The following VASN variants were observed in gnomAD, a reference collection of about 807,000 sequenced individuals.
VASN encodes protein slit-like 2.
In VASN, 5 loss-of-function variants were observed where a neutral mutation model predicts 4.8. That is an observed-to-expected ratio of 1.03 (90% CI 0.54 to 2.17). The LOEUF is 2.17. Among genes scored for constraint, VASN ranks in the 30% most tolerant of loss-of-function variants. The probability of loss-of-function intolerance (pLI) is 0.01; values close to 1 mark genes in which losing one functional copy is unlikely to be tolerated. For missense variants in VASN, 927 were observed against 948.8 expected (o/e 0.98, Z 0.30); for synonymous variants, 499 against 460.8 (o/e 1.08, Z -1.06).
In VASN at chr16:4,371,879, C is replaced by A. The variant is rs543705355; in HGVS notation, c.-124C>A. On this transcript the variant is annotated 5_prime_UTR_variant, in exon 1 of 2. Coordinates refer to ENST00000304735, the MANE Select transcript of VASN (RefSeq NM_138440.3). Reference sequence around the variant, plus strand: ...GGAGCCCGAGCCCGGGGCGGGTGGACGCGGACTCGAACGCAGTTGCTTCGG... The same window carrying A: ...GGAGCCCGAGCCCGGGGCGGGTGGAAGCGGACTCGAACGCAGTTGCTTCGG... 1 of 152,112 alleles carries A rather than the reference C, an allele frequency of 6.6e-6. No individual in the cohort carries two copies. The highest frequency in any genetic ancestry group is 1.5e-5 in the Non-Finnish European group (1 of 67,988). The allele number at this position is 152,112 out of a possible 1,614,324, so 9.4% of individuals were successfully genotyped here.
At chr16:4,372,894 A>C (rs190541008) in intron 1 of VASN, among the ~76,000 whole-genome samples, 235 of 152,298 alleles carry the variant, frequency 1.5e-3, no homozygotes, top group African/African-American at 5.5e-3. Context: ...CACCAAGGAC[A>C]GGTGAGGCTC....
At position 4,381,495 on chromosome 16, in the gene VASN, G is replaced by A. The variant is rs777494460; in HGVS notation, c.618G>A (p.Gln206=). The A allele has an allele frequency of 6.3e-7, 1 of 1,589,788 alleles. No individual in the cohort carries two copies. The highest frequency in any genetic ancestry group is 2.3e-5 in the East Asian group (1 of 43,130). ...ALRLAGLGLQ[Q]LDEGLFSRLR... ...GGCTGGCTGGTCTGGGGCTGCAGCA[G>A]CTGGACGAGGGGCTCTTCAGCCGCT... Residue 206 remains glutamine (Q), a synonymous_variant, in exon 2 of 2, where the codon CAG becomes CAA. Transcript: ENST00000304735.
At position 4,381,973 on chromosome 16, in the gene VASN, C is replaced by T. The variant is rs1468147840; in HGVS notation, c.1096C>T (p.Arg366Trp). The stretch of plus-strand genomic sequence containing the variant: ...AGTGCCCACCACGAGGCCCGTGGTG[C>T]GGGAGCCCACAGCCTTGTCTTCTAG... ...ATVPTTRPVV[R>W]EPTALSSSLA... The change falls in exon 2 of 2, where the codon CGG (arginine) becomes TGG (tryptophan). Residue 366 changes from arginine (R) to tryptophan (W), a missense_variant. Coordinates refer to ENST00000304735, the MANE Select transcript of VASN (RefSeq NM_138440.3). The T allele has an allele frequency of 3.7e-6, 6 of 1,607,586 alleles. No individual in the cohort carries two copies. The highest frequency in any genetic ancestry group is 1.7e-4 in the Middle Eastern group (1 of 6,044).
At chr16:4,375,527 A>G (rs8052826) in intron 1 of VASN, among the ~76,000 whole-genome samples, 115,065 of 152,176 alleles carry the variant, frequency 0.76, 43,800 homozygotes, top group East Asian at 0.8. Flanking sequence ...TTGCTCTGTC[A>G]CCCAGGCTGG....
At position 4,382,261 on chromosome 16, in the gene VASN, C is replaced by A; in HGVS notation, c.1384C>A (p.Arg462=). 2 of 1,608,150 alleles carry A rather than the reference C, an allele frequency of 1.2e-6. No homozygotes were observed. Among genetic ancestry groups the A allele is most frequent in the Non-Finnish European group, 1.7e-6 (2 of 1,178,366 alleles). Residue 462 remains arginine, a synonymous_variant, in exon 2 of 2, where the codon CGG becomes AGG. Transcript: ENST00000304735. Reference sequence around the variant, plus strand: ...TACACCAGTCACGCCGAGGCCACCACGGTCCCTGACCCTGGGCATCGAGCC... The same window carrying A: ...TACACCAGTCACGCCGAGGCCACCAAGGTCCCTGACCCTGGGCATCGAGCC... The part of the protein sequence containing the change: ...SPTPVTPRPP[R]SLTLGIEPVS...
chr16:4,379,959 G>T (rs574313566), intron 1 of VASN, among the ~76,000 whole-genome samples: 4 of 150,344 alleles, frequency 2.7e-5, no homozygotes, highest in Non-Finnish European at 3.0e-5. Flanking sequence ...ATGGGAGGCT[G>T]AGGCAGGAGA....
chr16:4,379,711 C>A (rs532601749), intron 1 of VASN, among the ~76,000 whole-genome samples: 2 of 151,980 alleles, frequency 1.3e-5, no homozygotes, highest in Non-Finnish European at 2.9e-5. Flanking sequence ...GGCTGCTGCT[C>A]ATCTTTCTTG....
At chr16:4,374,625 C>G (rs1051155111) in intron 1 of VASN, among the ~76,000 whole-genome samples, 1 of 152,004 alleles carries the variant, frequency 6.6e-6, no homozygotes, top group African/African-American at 2.4e-5. Flanking sequence ...GAGAGCAGTG[C>G]GGGGGCAGGG....
At chr16:4,378,643 G>A (rs1002194224) in intron 1 of VASN, among the ~76,000 whole-genome samples, 6 of 152,036 alleles carry the variant, frequency 3.9e-5, no homozygotes, top group Non-Finnish European at 7.4e-5. Flanking sequence ...GGCTGGCCGG[G>A]CCAGGGACGC....
rs2055031999 is a variant in VASN, at chr16:4,382,592, G to A, written c.1715G>A (p.Gly572Asp). 2 of 1,582,598 alleles carry A rather than the reference G, an allele frequency of 1.3e-6. No homozygotes were observed. Among genetic ancestry groups the A allele is most frequent in the Non-Finnish European group, 1.7e-6 (2 of 1,167,274 alleles). ...GCCCCAGTCACCCAGGCCCGCGAGG[G>A]CAACCTGCCGCTCCTCATTGCGCCC... is the stretch of plus-strand genomic sequence containing the variant. The part of the protein sequence containing the change: ...NHAPVTQARE[G>D]NLPLLIAPAL... Residue 572 changes from glycine (G) to aspartate (D), a missense_variant, in exon 2 of 2, where the codon GGC (glycine) becomes GAC (aspartate). Gly to Asp is a moderately conservative substitution (Grantham distance 94, BLOSUM62 -1). Transcript: ENST00000304735.
intron 1 of VASN, among the ~76,000 whole-genome samples, chr16:4,378,074 G>A (rs545998834): frequency 6.6e-6 from 1 of 152,280 alleles, no homozygotes; most frequent in South Asian, 2.1e-4. Flanking sequence ...CCCCTCCCCA[G>A]TGCAGGGTGA....
rs368386504 is a variant in VASN at position 4,382,070 on chromosome 16, C to A, written c.1193C>A (p.Pro398Gln). The A allele has an allele frequency of 6.3e-7, 1 of 1,588,004 alleles. No homozygotes were observed. The highest frequency in any genetic ancestry group is 8.6e-7 in the Non-Finnish European group (1 of 1,169,298). ...EAPSPPSTAP[P>Q]TVGPVPQPQD... ...CCCAGCCCGCCCTCCACTGCCCCAC[C>A]GACTGTAGGGCCTGTCCCCCAGCCC... is the stretch of plus-strand genomic sequence containing the variant. The change falls in exon 2 of 2, where the codon CCG (proline) becomes CAG (glutamine). Residue 398 changes from proline (P) to glutamine (Q), a missense_variant. Transcript: ENST00000304735.
chr16:4,374,261 G>C (rs1475263019), intron 1 of VASN, among the ~76,000 whole-genome samples: 1 of 152,086 alleles, frequency 6.6e-6, no homozygotes, highest in Admixed American at 6.5e-5. Context: ...TCCTTTTATC[G>C]GTTTCCACAT....
In VASN at chr16:4,382,818, C is replaced by T. The variant is rs768750137; in HGVS notation, c.1941C>T (p.Ser647=). Residue 647 remains serine, a synonymous_variant, in exon 2 of 2, where the codon AGC becomes AGT. Transcript: ENST00000304735. The stretch of plus-strand genomic sequence containing the variant: ...AGGGCGGTGGAGAGGCCCTGCCCAG[C>T]GGGTCTGAGTGTGAGGTGCCACTCA... ...ATEGGGEALP[S]GSECEVPLMG... 7.3e-5 allele frequency: 117 copies of T among 1,596,142 alleles called. No homozygotes were observed. Among genetic ancestry groups the T allele is most frequent in the Non-Finnish European group, 9.5e-5 (111 of 1,172,450 alleles).
At chr16:4,372,495 G>A (rs2054571523) in intron 1 of VASN, among the ~76,000 whole-genome samples, 1 of 152,216 alleles carries the variant, frequency 6.6e-6, no homozygotes, top group Non-Finnish European at 1.5e-5. Flanking sequence ...GGCGGGGAGT[G>A]GCTGGTGGGC....
chr16:4,380,406 C>T (rs912734502), intron 1 of VASN, among the ~76,000 whole-genome samples: 3 of 152,254 alleles, frequency 2.0e-5, no homozygotes, highest in African/African-American at 4.8e-5. Context: ...GGACACGGAG[C>T]GTGGCAGCAG....
At position 4,381,171 on chromosome 16, in the gene VASN, A is replaced by G; in HGVS notation, c.294A>G (p.Pro98=). The change falls in exon 2 of 2, where the codon CCA becomes CCG. Residue 98 remains proline (P), a synonymous_variant. Coordinates refer to ENST00000304735, the MANE Select transcript of VASN (RefSeq NM_138440.3). ...GCCTGCCCAGCGGGGTCTTCCAGCC[A>G]CTCGCCAACCTCAGCAACCTGGACC... ...IASLPSGVFQ[P]LANLSNLDLT... is the part of the protein sequence containing the mutation. 1 of 1,611,778 alleles carries G rather than the reference A, an allele frequency of 6.2e-7. No individual in the cohort carries two copies. The highest frequency in any genetic ancestry group is 8.5e-7 in the Non-Finnish European group (1 of 1,179,248).
chr16:4,381,345 G>A lies in VASN; in HGVS notation c.468G>A (p.Gln156=), dbSNP rs2054952791. The A allele has an allele frequency of 6.2e-7, 1 of 1,606,362 alleles. No homozygotes were observed. Among genetic ancestry groups the A allele is most frequent in the African/African-American group, 1.3e-5 (1 of 74,704 alleles). ...TLDRLLELKL[Q]DNELRALPPL... The stretch of plus-strand genomic sequence containing the variant: ...ACCGCCTCCTGGAGCTCAAGCTGCA[G>A]GACAACGAGCTGCGGGCACTGCCCC... Residue 156 remains glutamine (Q), a synonymous_variant, in exon 2 of 2, where the codon CAG becomes CAA. Coordinates refer to ENST00000304735, the MANE Select transcript of VASN (RefSeq NM_138440.3).
Position 4,381,602 on chromosome 16 carries a change from C to T in VASN, c.725C>T (p.Thr242Met), listed in dbSNP as rs374909207. Residue 242 changes from threonine to methionine, a missense_variant, in exon 2 of 2, where the codon ACG (threonine) becomes ATG (methionine). Coordinates refer to ENST00000304735, the MANE Select transcript of VASN (RefSeq NM_138440.3). Reference sequence around the variant, plus strand: ...GTGATCCGAGGCCTCCGGGGCCTGACGCGCCTGCGGCTGGCCGGCAACACC... The same window carrying T: ...GTGATCCGAGGCCTCCGGGGCCTGATGCGCCTGCGGCTGGCCGGCAACACC... Reference protein sequence around the residue: ...PPVIRGLRGLTRLRLAGNTRI... With the variant: ...PPVIRGLRGLMRLRLAGNTRI... 9.4e-5 allele frequency: 151 copies of T among 1,598,930 alleles called. No homozygotes were observed. The highest frequency in any genetic ancestry group is 3.3e-4 in the Middle Eastern group (2 of 6,050).
Sources: allele counts gnomAD v4.1 joint callset (sites outside exome capture counted in the v4.1 genomes callset), GRCh38; gene constraint gnomAD v4.1.1; transcripts MANE v1.5; gene names NCBI Gene and HGNC (gene_info 2026-07-23, HGNC 2026-07-21).